The following SORCS1 variants were observed in gnomAD, a reference collection of about 807,000 sequenced individuals.
SORCS1 encodes the protein VPS10 domain-containing receptor SorCS1.
Under a neutral mutation model 146.1 loss-of-function variants are expected in SORCS1, and 60 were observed. The ratio of observed to expected loss-of-function variants is 0.41; its 90% CI spans 0.33 to 0.51. The LOEUF is 0.51. SORCS1 is among the 20% of genes least tolerant of loss of function. The probability of loss-of-function intolerance (pLI) is 0.21; values close to 1 mark genes in which losing one functional copy is unlikely to be tolerated. For synonymous variants in SORCS1, 637 were observed against 584.0 expected (o/e 1.09, Z -1.31); for missense variants, 1,352 against 1,487.6 (o/e 0.91, Z 1.50).
At chr10:107,166,716 C>T (rs115500143), upstream of SORCS1, among the ~76,000 whole-genome samples, 275 of 152,274 alleles carry the variant, frequency 1.8e-3, 2 homozygotes, top group African/African-American at 6.4e-3. Flanking sequence ...TCTTTCTATG[C>T]CCTGCTAACC....
At chr10:106,880,315 C>T (rs1245451841) in intron 2 of SORCS1, among the ~76,000 whole-genome samples, 7 of 152,138 alleles carry the variant, frequency 4.6e-5, no homozygotes, top group Non-Finnish European at 2.9e-5. Context: ...TAAAGACTAG[C>T]TTTGGTGCTA....
At chr10:106,887,256 A>T (rs893459590) in intron 2 of SORCS1, among the ~76,000 whole-genome samples, 10 of 152,226 alleles carry the variant, frequency 6.6e-5, no homozygotes, top group African/African-American at 2.2e-4. Context: ...TGAAAATGAC[A>T]TTTAAAATAT....
chr10:106,883,304 T>C (rs375988458), intron 2 of SORCS1, among the ~76,000 whole-genome samples: 59 of 152,346 alleles, frequency 3.9e-4, no homozygotes, highest in Non-Finnish European at 3.1e-4. Context: ...AAAATCTTCA[T>C]AGATTTTTTC....
chr10:106,941,878 T>A (rs948460416), intron 2 of SORCS1, among the ~76,000 whole-genome samples: 1 of 152,172 alleles, frequency 6.6e-6, no homozygotes, highest in African/African-American at 2.4e-5. Flanking sequence ...AATCTGTAAG[T>A]CTTAGTTCTG....
At chr10:106,949,192 G>A (rs1163188465) in intron 2 of SORCS1, among the ~76,000 whole-genome samples, 1 of 152,162 alleles carries the variant, frequency 6.6e-6, no homozygotes, top group East Asian at 1.9e-4. Context: ...TGTGTGACAT[G>A]AAGGATTCTC....
chr10:107,156,881 T>G (rs1169606561), intron 1 of SORCS1, among the ~76,000 whole-genome samples: 1 of 152,216 alleles, frequency 6.6e-6, no homozygotes, highest in Non-Finnish European at 1.5e-5. Flanking sequence ...GTCTCATCTC[T>G]GAAGTCTATT....
intron 1 of SORCS1, among the ~76,000 whole-genome samples, chr10:107,111,332 G>A (rs575169936): frequency 6.6e-6 from 1 of 152,206 alleles, no homozygotes; most frequent in Non-Finnish European, 1.5e-5. Flanking sequence ...TCAGAACAAT[G>A]CATGAACAAA....
At chr10:106,909,862 T>C (rs1205222918) in intron 2 of SORCS1, among the ~76,000 whole-genome samples, 5 of 152,174 alleles carry the variant, frequency 3.3e-5, no homozygotes, top group East Asian at 3.8e-4. Context: ...CCCAATATGA[T>C]TGCAGGTATT....
intron 3 of SORCS1, among the ~76,000 whole-genome samples, chr10:106,784,062 A>C (rs1945921153): frequency 6.6e-6 from 1 of 152,188 alleles, no homozygotes; most frequent in Non-Finnish European, 1.5e-5. Flanking sequence ...AGAATATGGA[A>C]TATTCACTAA....
chr10:106,719,022 AG>A (rs1268145461), intron 6 of SORCS1, among the ~76,000 whole-genome samples: 1 of 152,226 alleles, frequency 6.6e-6, no homozygotes, highest in African/African-American at 2.4e-5. Context: ...TAGACACAAA[AG>A]TTCTCCAAGT....
At chr10:106,593,492 T>C (rs1208207256) in intron 24 of SORCS1, among the ~76,000 whole-genome samples, 1 of 152,170 alleles carries the variant, frequency 6.6e-6, no homozygotes, top group Non-Finnish European at 1.5e-5. Flanking sequence ...AAACTCAATA[T>C]AGCAAAAGTT....
At chr10:107,045,490 T>A (rs1366510569) in intron 1 of SORCS1, among the ~76,000 whole-genome samples, 4 of 152,132 alleles carry the variant, frequency 2.6e-5, no homozygotes, top group African/African-American at 7.2e-5. Flanking sequence ...GAACTTCATA[T>A]TTGTAGAGTG....
intron 5 of SORCS1, among the ~76,000 whole-genome samples, chr10:106,732,248 T>C (rs1178323987): frequency 6.6e-6 from 1 of 152,186 alleles, no homozygotes; most frequent in African/African-American, 2.4e-5. Flanking sequence ...ATAATTTCCC[T>C]CATATAGACA....
chr10:106,660,610 C>A (rs1044307355), intron 17 of SORCS1, among the ~76,000 whole-genome samples: 1 of 151,902 alleles, frequency 6.6e-6, no homozygotes, highest in African/African-American at 2.4e-5. Flanking sequence ...TAAATAGATA[C>A]CTAACTTAAA....
chr10:106,640,573 C>T (rs1849010342), intron 18 of SORCS1, among the ~76,000 whole-genome samples: 1 of 152,196 alleles, frequency 6.6e-6, no homozygotes, highest in Admixed American at 6.5e-5. Context: ...ACTACTTCTG[C>T]CTACCAGTTC....
intron 2 of SORCS1, among the ~76,000 whole-genome samples, chr10:106,926,791 T>C (rs559087501): frequency 4.0e-4 from 60 of 150,180 alleles, no homozygotes; most frequent in Non-Finnish European, 6.8e-4. Context: ...TCTCAAACCA[T>C]AGCCATTCTT....
chr10:107,007,389 G>A (rs971159096), intron 1 of SORCS1, among the ~76,000 whole-genome samples: 12 of 152,196 alleles, frequency 7.9e-5, no homozygotes, highest in African/African-American at 2.9e-4. Flanking sequence ...GAGCTGCCAT[G>A]CTGTGAGGAA....
At chr10:107,103,225 T>C (rs1965066133) in intron 1 of SORCS1, among the ~76,000 whole-genome samples, 1 of 152,234 alleles carries the variant, frequency 6.6e-6, no homozygotes, top group African/African-American at 2.4e-5. Flanking sequence ...GCTCTGCAAT[T>C]AATCATCTCT....
At chr10:107,033,513 C>G (rs1233567683) in intron 1 of SORCS1, among the ~76,000 whole-genome samples, 1 of 152,192 alleles carries the variant, frequency 6.6e-6, no homozygotes, top group Non-Finnish European at 1.5e-5. Context: ...AGTGTCTGAT[C>G]TCTATAGCAA....
Sources: gnomAD v4.1 joint callset for allele counts (sites outside exome capture counted in the v4.1 genomes callset) on GRCh38, gnomAD v4.1.1 for gene constraint, MANE v1.5 for transcripts, NCBI Gene and HGNC (gene_info 2026-07-23, HGNC 2026-07-21) for gene names.